ACADSB: variants seen among roughly 807,000 people sequenced by gnomAD.
ACADSB encodes short/branched chain specific acyl-CoA dehydrogenase, mitochondrial.
Under a neutral mutation model 54.1 loss-of-function variants are expected in ACADSB, and 40 were observed. The ratio of observed to expected loss-of-function variants is 0.74; its 90% CI spans 0.57 to 0.96. The LOEUF (loss-of-function observed/expected upper bound fraction) is 0.96, where lower values mean the gene tolerates loss of function less well. Among genes scored for constraint, ACADSB ranks in the 40% least tolerant of loss-of-function variants. The probability of loss-of-function intolerance (pLI) is 0.00; values close to 1 mark genes in which losing one functional copy is unlikely to be tolerated. For missense variants in ACADSB, 530 were observed against 510.4 expected, an observed-to-expected ratio of 1.04 and a Z score of -0.37; for synonymous variants, 182 against 182.8, an observed-to-expected ratio of 1.00 and a Z score of 0.03.
At chr10:123,045,633 AC>A (rs1285845348) in intron 7 of ACADSB, among the ~76,000 whole-genome samples, 2 of 152,162 alleles carry the variant, frequency 1.3e-5, no homozygotes, top group Admixed American at 1.3e-4. Context: ...CTATTTTTAG[AC>A]CAAAACTTAG....
chr10:123,041,002 C>T (rs1850465403), intron 4 of ACADSB, among the ~76,000 whole-genome samples: 1 of 151,110 alleles, frequency 6.6e-6, no homozygotes, highest in Non-Finnish European at 1.5e-5. Context: ...AGTATGTGTT[C>T]GTGAGTCTTT....
intron 1 of ACADSB, chr10:123,027,384 C>A: frequency 3.0e-6 from 1 of 331,048 alleles, no homozygotes. Context: ...AGAATTCTCG[C>A]ATGTTGTGGG....
At chr10:123,019,610 C>T (rs11594317) in intron 1 of ACADSB, among the ~76,000 whole-genome samples, 70,226 of 152,078 alleles carry the variant, frequency 0.46, 18,052 homozygotes, top group Non-Finnish European at 0.59. Flanking sequence ...GGCCTTGCCT[C>T]GCTCTATTTG....
At chr10:123,026,726 G>GA (rs72138057) in intron 1 of ACADSB, among the ~76,000 whole-genome samples, 7,926 of 148,404 alleles carry the variant, frequency 0.053, 693 homozygotes, top group African/African-American at 0.18. Flanking sequence ...ATTGCTAAAT[G>GA]AAAAAAAAAA....
intron 7 of ACADSB, among the ~76,000 whole-genome samples, chr10:123,046,962 C>G (rs1242289365): frequency 6.6e-6 from 1 of 152,146 alleles, no homozygotes; most frequent in Non-Finnish European, 1.5e-5. Flanking sequence ...GGAGATTTAC[C>G]TCTGCTAGAA....
At chr10:123,013,647 C>T (rs1357214521) in intron 1 of ACADSB, among the ~76,000 whole-genome samples, 2 of 152,218 alleles carry the variant, frequency 1.3e-5, no homozygotes, top group Non-Finnish European at 2.9e-5. Context: ...CGGGGCCTGC[C>T]CCGCGGAGAG....
At chr10:123,029,538 A>G (rs1321599053) in intron 1 of ACADSB, among the ~76,000 whole-genome samples, 1 of 152,194 alleles carries the variant, frequency 6.6e-6, no homozygotes, top group Non-Finnish European at 1.5e-5. Context: ...TAAAGTGTAC[A>G]TAAATGCTGT....
At chr10:123,031,963 T>C (rs1208989232) in intron 1 of ACADSB, among the ~76,000 whole-genome samples, 1 of 151,896 alleles carries the variant, frequency 6.6e-6, no homozygotes, top group African/African-American at 2.4e-5. Flanking sequence ...TTCTCAGTAG[T>C]GAGCTTTCTT....
At chr10:123,012,801 A>G (rs914114058) in intron 1 of ACADSB, among the ~76,000 whole-genome samples, 1 of 152,182 alleles carries the variant, frequency 6.6e-6, no homozygotes, top group African/African-American at 2.4e-5. Flanking sequence ...GCAAAGAGCT[A>G]AAGAACAAAG....
intron 1 of ACADSB, among the ~76,000 whole-genome samples, chr10:123,029,359 A>T (rs1433758891): frequency 6.6e-6 from 1 of 151,586 alleles, no homozygotes; most frequent in Non-Finnish European, 1.5e-5. Flanking sequence ...AAAAAAGAGA[A>T]GAAAAAAAAA....
At chr10:123,043,799 C>T (rs1254793064) in intron 6 of ACADSB, among the ~76,000 whole-genome samples, 1 of 152,152 alleles carries the variant, frequency 6.6e-6, no homozygotes, top group African/African-American at 2.4e-5. Flanking sequence ...CCATTCTTCC[C>T]TGCTCTCTCC....
chr10:123,043,391 A>C (rs1850502755), intron 6 of ACADSB, among the ~76,000 whole-genome samples: 1 of 152,250 alleles, frequency 6.6e-6, no homozygotes, highest in African/African-American at 2.4e-5. Flanking sequence ...CTGGGAAGCA[A>C]GTGCCAAGAA....
chr10:123,043,489 A>G (rs907879869), intron 6 of ACADSB, among the ~76,000 whole-genome samples: 8 of 152,226 alleles, frequency 5.3e-5, no homozygotes, highest in African/African-American at 1.9e-4. Flanking sequence ...GGGGCCGCAG[A>G]GAAGGAAGTC....
At position 123,041,346 on chromosome 10, in the gene ACADSB, C is replaced by G; in HGVS notation, c.648C>G (p.Leu216=). The change falls in exon 5 of 11, where the codon CTC becomes CTG. Residue 216 remains leucine (L), a synonymous_variant. Coordinates refer to ENST00000358776, the MANE Select transcript of ACADSB (RefSeq NM_001609.4). ...TCAGCAGTGCTGAGCACGCAGGGCT[C>G]TTTCTGGTGATGGCAAATGTAGACC... The part of the protein sequence containing the change: ...MWISSAEHAG[L]FLVMANVDPT... 1 of 1,614,196 alleles carries G rather than the reference C, an allele frequency of 6.2e-7. No individual in the cohort carries two copies. Among genetic ancestry groups the G allele is most frequent in the Non-Finnish European group, 8.5e-7 (1 of 1,180,024 alleles).
intron 5 of ACADSB, 98 bp downstream of exon 5, chr10:123,041,477 G>T: frequency 7.9e-7 from 1 of 1,265,046 alleles, no homozygotes; most frequent in Non-Finnish European, 1.1e-6. Context: ...ACTTCATCTT[G>T]AACTCTTTAG....
chr10:123,013,649 C>G (rs893162376), intron 1 of ACADSB, among the ~76,000 whole-genome samples: 11 of 152,216 alleles, frequency 7.2e-5, no homozygotes, highest in Admixed American at 1.3e-4. Context: ...GGGCCTGCCC[C>G]GCGGAGAGGC....
chr10:123,015,268 C>A (rs921470043), intron 1 of ACADSB, among the ~76,000 whole-genome samples: 2 of 152,258 alleles, frequency 1.3e-5, no homozygotes, highest in Non-Finnish European at 2.9e-5. Context: ...ACCATAAAGA[C>A]ACTCTCCCTG....
At position 123,053,166 on chromosome 10, in the gene ACADSB, T is replaced by C. The variant is rs1850655627; in HGVS notation, c.1228+6T>C. On this transcript the variant is annotated splice_donor_region_variant and intron_variant, in intron 10 of 10. Coordinates refer to ENST00000358776, the MANE Select transcript of ACADSB (RefSeq NM_001609.4). ...CTTCCGAGATGCAAAGATTGGTAAATAGATTTTTTTTTTTTACATTTTATT... is the reference window on the plus strand; with the variant it reads ...CTTCCGAGATGCAAAGATTGGTAAACAGATTTTTTTTTTTTACATTTTATT... 2.7e-6 allele frequency: 4 copies of C among 1,483,564 alleles called. No homozygotes were observed. The highest frequency in any genetic ancestry group is 2.1e-5 in the Admixed American group (1 of 47,832). 91.9% of individuals were successfully genotyped at this position (1,483,564 alleles called of 1,614,324 possible).
chr10:123,009,022 C>T lies in ACADSB; in HGVS notation c.-8C>T, dbSNP rs749559827. 11 of 1,547,588 alleles carry T rather than the reference C, an allele frequency of 7.1e-6. No individual in the cohort carries two copies. Among genetic ancestry groups the T allele is most frequent in the South Asian group, 2.4e-5 (2 of 84,018 alleles). On this transcript the variant is annotated 5_prime_UTR_variant, in exon 1 of 11. Transcript: ENST00000358776. ...CAGAGGCGCAGAGCGGAGAGGCCTG[C>T]GGCGAGGATGGAGGGCCTGGCAGTG...
Sources: gnomAD v4.1 joint callset for allele counts (sites outside exome capture counted in the v4.1 genomes callset) on GRCh38, gnomAD v4.1.1 for gene constraint, MANE v1.5 for transcripts, NCBI Gene and HGNC (gene_info 2026-07-23, HGNC 2026-07-21) for gene names.